PARD3B: variants seen among roughly 807,000 people sequenced by gnomAD.
PARD3B encodes par-3 family cell polarity regulator beta.
In PARD3B, 103 loss-of-function variants were observed where a neutral mutation model predicts 130.2. The ratio of observed to expected loss-of-function variants is 0.79; its 90% CI spans 0.67 to 0.93. The LOEUF is 0.93. Among genes scored for constraint, PARD3B ranks in the 40% least tolerant of loss-of-function variants. The probability of loss-of-function intolerance (pLI) is 0.00; values close to 1 mark genes in which losing one functional copy is unlikely to be tolerated. For synonymous variants in PARD3B, 583 were observed against 553.2 expected (o/e 1.05, Z -0.76); for missense variants, 1,609 against 1,499.2 (o/e 1.07, Z -1.21).
intron 21 of PARD3B, among the ~76,000 whole-genome samples, chr2:205,500,822 C>G (rs2106343674): frequency 6.6e-6 from 1 of 152,302 alleles, no homozygotes; most frequent in East Asian, 1.9e-4. Flanking sequence ...CAGAGCAGAG[C>G]TGAACATGGT....
intron 4 of PARD3B, among the ~76,000 whole-genome samples, chr2:205,089,129 C>T (rs1559425886): frequency 1.4e-5 from 2 of 144,004 alleles, no homozygotes; most frequent in African/African-American, 5.4e-5. Flanking sequence ...CATGGGCACT[C>T]TCTTTTTTTT....
Position 205,183,775 on chromosome 2 carries a change from A to G in PARD3B, c.1925-1989A>G, listed in dbSNP as rs982097878. Among the ~76,000 whole-genome samples the G allele has an allele frequency of 6.6e-5, 6 of 90,664 alleles. No homozygotes were observed. The highest frequency in any genetic ancestry group is 1.2e-4 in the Admixed American group (1 of 8,256). The allele number at this position is 90,664 out of a possible 152,430, so 59.5% of individuals were successfully genotyped here. A position where few individuals can be genotyped will look rare whatever the true frequency, so the allele number is the denominator to read the frequency against. On this transcript the variant is annotated intron_variant, in intron 13 of 22. Coordinates refer to ENST00000406610, the MANE Select transcript of PARD3B (RefSeq NM_001302769.2). This position sits in a 1 kb window ranked among gnomAD's most constrained non-coding sequence, Gnocchi z 5.2. Reference sequence around the variant, plus strand: ...GTGTGTGTGTGTGTGTGTGTGTGTGAACAGATTTATGATAAGGAATTGGCT... The same window carrying G: ...GTGTGTGTGTGTGTGTGTGTGTGTGGACAGATTTATGATAAGGAATTGGCT...
Position 205,463,449 on chromosome 2 carries a change from A to AC in PARD3B, c.3044+22777_3044+22778insC, listed in dbSNP as rs2048520142. On this transcript the variant is annotated intron_variant, in intron 20 of 22. Transcript: ENST00000406610. This position sits in a 1 kb window ranked among gnomAD's most constrained non-coding sequence, Gnocchi z 4.8. ...GCACATTAATTCTTTAAAAAAAAAA[A>AC]AAAAAAAAAACCTGTCATTTAATTT... Among the ~76,000 whole-genome samples the AC allele has an allele frequency of 6.6e-6, 1 of 152,084 alleles. No individual in the cohort carries two copies. Among genetic ancestry groups the AC allele is most frequent in the Non-Finnish European group, 1.5e-5 (1 of 68,022 alleles).
intron 1 of PARD3B, among the ~76,000 whole-genome samples, chr2:204,583,856 C>G (rs1333571092): frequency 1.3e-5 from 2 of 152,218 alleles, no homozygotes; most frequent in Non-Finnish European, 2.9e-5. Context: ...GCAAACTTAT[C>G]ACATCATTTG....
chr2:205,195,831 A>T (rs879294513), intron 15 of PARD3B, among the ~76,000 whole-genome samples: 17 of 148,926 alleles, frequency 1.1e-4, no homozygotes, highest in African/African-American at 3.3e-4. Flanking sequence ...TTCAAAATTT[A>T]AAAAAAAAAC....
At chr2:205,400,549 G>A (rs933619637) in intron 18 of PARD3B, among the ~76,000 whole-genome samples, 48 of 151,916 alleles carry the variant, frequency 3.2e-4, no homozygotes, top group African/African-American at 1.0e-3. Context: ...GCTGAGGCAC[G>A]AGAATCGCTT....
intron 18 of PARD3B, among the ~76,000 whole-genome samples, chr2:205,336,503 G>A (rs1306639806): frequency 6.6e-6 from 1 of 152,108 alleles, no homozygotes; most frequent in Non-Finnish European, 1.5e-5. Context: ...TACCACTTAA[G>A]GTAATAACTT....
chr2:205,278,908 A>G (rs1163790168), intron 16 of PARD3B, among the ~76,000 whole-genome samples: 6 of 151,662 alleles, frequency 4.0e-5, no homozygotes, highest in Non-Finnish European at 5.9e-5. Flanking sequence ...TGTCTCTACA[A>G]AAAAATATAA....
At chr2:204,618,161 C>G (rs1226556814) in intron 1 of PARD3B, among the ~76,000 whole-genome samples, 2 of 152,148 alleles carry the variant, frequency 1.3e-5, no homozygotes, top group Non-Finnish European at 2.9e-5. Flanking sequence ...CATTTCTTAT[C>G]TGAACTGCTG....
In PARD3B at chr2:205,446,828, C is replaced by T. The variant is rs748710964; in HGVS notation, c.3044+6156C>T. ...GGTTTACAATGTGTTAGTTTTCCAC[C>T]GCAATGCCAGCATTGAAAGGGCTCC... is the stretch of plus-strand genomic sequence containing the variant. On this transcript the variant is annotated intron_variant, in intron 20 of 22. Coordinates refer to ENST00000406610, the MANE Select transcript of PARD3B (RefSeq NM_001302769.2). The surrounding 1 kb of genome is among the most constrained non-coding windows in gnomAD (Gnocchi z 4.4). Among the ~76,000 whole-genome samples the T allele has an allele frequency of 3.9e-5, 6 of 152,118 alleles. No homozygotes were observed. The highest frequency in any genetic ancestry group is 7.2e-5 in the African/African-American group (3 of 41,406).
intron 22 of PARD3B, among the ~76,000 whole-genome samples, chr2:205,554,959 T>C (rs983901556): frequency 6.6e-6 from 1 of 150,938 alleles, no homozygotes; most frequent in Non-Finnish European, 1.5e-5. Flanking sequence ...CTGGAACCAT[T>C]CCCCCAAGGA....
At chr2:205,079,143 A>G (rs1009799439) in intron 4 of PARD3B, among the ~76,000 whole-genome samples, 4 of 152,260 alleles carry the variant, frequency 2.6e-5, no homozygotes, top group Non-Finnish European at 5.9e-5. Context: ...GCTATGCAGC[A>G]ATAACGACCA....
chr2:205,103,003 G>C (rs528811591), intron 4 of PARD3B, among the ~76,000 whole-genome samples: 3 of 152,056 alleles, frequency 2.0e-5, no homozygotes, highest in African/African-American at 7.2e-5. Context: ...GGGAGGCGGA[G>C]GTTGCAGTGA....
At chr2:204,578,732 A>G (rs759433404) in intron 1 of PARD3B, among the ~76,000 whole-genome samples, 1 of 152,172 alleles carries the variant, frequency 6.6e-6, no homozygotes, top group Non-Finnish European at 1.5e-5. Context: ...TGAGCAGTTA[A>G]AAGTGTCACC....
rs542018320 is a variant in PARD3B, at chr2:205,435,183, T to G, written c.2742-5187T>G. 9.9e-5 allele frequency among the ~76,000 whole-genome samples: 15 copies of G among 152,208 alleles called. No individual in the cohort carries two copies. In the East Asian group the frequency reaches 2.9e-3, roughly 29 times the overall value. ...CAACCACTTAGGAATTTTTTGTGTA[T>G]TCTTCCAGACATTTTCTATGTATAT... On this transcript the variant is annotated intron_variant, in intron 19 of 22. Coordinates refer to ENST00000406610, the MANE Select transcript of PARD3B (RefSeq NM_001302769.2).
At chr2:205,277,008 G>A (rs1329567222) in intron 16 of PARD3B, among the ~76,000 whole-genome samples, 1 of 152,200 alleles carries the variant, frequency 6.6e-6, no homozygotes, top group African/African-American at 2.4e-5. Flanking sequence ...TGTTATGTTT[G>A]AGTGATCTGC....
At chr2:205,455,811 T>G (rs1322668156) in intron 20 of PARD3B, among the ~76,000 whole-genome samples, 2 of 152,194 alleles carry the variant, frequency 1.3e-5, no homozygotes, top group Non-Finnish European at 2.9e-5. Flanking sequence ...AATTTGACAT[T>G]GGTACAATGC....
At position 205,590,314 on chromosome 2, in the gene PARD3B, G is replaced by C. The variant is rs928938384; in HGVS notation, c.3261-25142G>C. Reference sequence around the variant, plus strand: ...CTCTCGACTGTTTTCTTCATTGTTGGCTTTGCTCTCAGGCACGCTCTTCCA... The same window carrying C: ...CTCTCGACTGTTTTCTTCATTGTTGCCTTTGCTCTCAGGCACGCTCTTCCA... On this transcript the variant is annotated intron_variant, in intron 22 of 22. Transcript: ENST00000406610. The surrounding 1 kb of genome is among the most constrained non-coding windows in gnomAD (Gnocchi z 4.1). Among the ~76,000 whole-genome samples the C allele has an allele frequency of 3.9e-5, 6 of 151,994 alleles. No individual in the cohort carries two copies. Among genetic ancestry groups the C allele is most frequent in the Admixed American group, 1.3e-4 (2 of 15,254 alleles).
intron 3 of PARD3B, among the ~76,000 whole-genome samples, chr2:204,976,727 C>G (rs1438034067): frequency 6.6e-6 from 1 of 151,196 alleles, no homozygotes; most frequent in African/African-American, 2.4e-5. Context: ...CTACCTCAGC[C>G]TCCTGAGTAG....
Sources: allele counts gnomAD v4.1 joint callset (sites outside exome capture counted in the v4.1 genomes callset), GRCh38; gene constraint gnomAD v4.1.1; non-coding constraint Gnocchi (gnomAD v3.1); transcripts MANE v1.5; gene names NCBI Gene and HGNC (gene_info 2026-07-23, HGNC 2026-07-21).